IQSEC2: variants seen among roughly 807,000 people sequenced by gnomAD.
The protein encoded by IQSEC2 is IQ motif and Sec7 domain ArfGEF 2.
A neutral mutation model predicts 74.6 loss-of-function variants in IQSEC2; 6 were observed. The observed-to-expected ratio is 0.08, with a 90% confidence interval of 0.04 to 0.16. IQSEC2 has a LOEUF of 0.16. Ranked by LOEUF, IQSEC2 falls within the 10% of genes least tolerant of loss-of-function variation. IQSEC2 has a pLI of 1.00. For missense variants in IQSEC2, 734 were observed against 1,306.2 expected (o/e 0.56, Z 6.75); for synonymous variants, 494 against 544.5 (o/e 0.91, Z 1.29).
At chrX:53,293,171 G>A (rs2075118895) in intron 1 of IQSEC2, among the ~76,000 whole-genome samples, 1 of 112,293 alleles carries the variant, frequency 8.9e-6, no homozygotes, top group Admixed American at 9.4e-5. Context: ...GGCGAGGTGG[G>A]GCAGGCAAGC....
chrX:53,257,016 G>A (rs1297252728), intron 2 of IQSEC2, among the ~76,000 whole-genome samples: 2 of 111,896 alleles, frequency 1.8e-5, no homozygotes, highest in African/African-American at 6.5e-5. Context: ...GAGCCTGCAC[G>A]GTGAAGAGCC....
chrX:53,250,594 G>A lies in IQSEC2; in HGVS notation c.1982C>T (p.Pro661Leu). 1 of 1,209,114 alleles carries A rather than the reference G, an allele frequency of 8.3e-7. No homozygotes were observed. The highest frequency in any genetic ancestry group is 1.1e-6 in the Non-Finnish European group (1 of 893,959). Residue 661 changes from proline to leucine, a missense_variant, in exon 5 of 15, where the codon CCC (proline) becomes CTC (leucine). Physicochemically the swap from Pro to Leu is moderately conservative, Grantham distance 98. Transcript: ENST00000642864. ...GCCACTGTTGGGGGCTGGTGGCAGGGGCCCTGGTGGGGCTGGGGCTGGGCC... is the reference window on the plus strand; with the variant it reads ...GCCACTGTTGGGGGCTGGTGGCAGGAGCCCTGGTGGGGCTGGGGCTGGGCC... ...PEGPAPAPPG[P>L]LPPAPNSGTG... is the part of the protein sequence containing the mutation.
intron 1 of IQSEC2, among the ~76,000 whole-genome samples, chrX:53,298,863 T>C (rs7050017): frequency 0.23 from 25,142 of 110,509 alleles, 3,649 homozygotes; most frequent in African/African-American, 0.53. Context: ...TAGCTCTCAC[T>C]ATTTTTAATT....
At chrX:53,242,349 G>T (rs182599289) in intron 9 of IQSEC2, among the ~76,000 whole-genome samples, 2 of 98,755 alleles carry the variant, frequency 2.0e-5, no homozygotes, top group Non-Finnish European at 4.0e-5. Context: ...CAGGAGAATC[G>T]TTTGAACCCA....
chrX:53,255,034 T>A (rs1556864778), intron 3 of IQSEC2, 103 bp from the exon 4 acceptor site: 1 of 822,815 alleles, frequency 1.2e-6, no homozygotes, highest in African/African-American at 2.1e-5. Context: ...GGCTGACTGC[T>A]TACAGCCACC....
chrX:53,303,159 C>G (rs973159468), intron 1 of IQSEC2, among the ~76,000 whole-genome samples: 24 of 105,571 alleles, frequency 2.3e-4, no homozygotes, highest in African/African-American at 7.4e-4. Flanking sequence ...GCCGTGATCA[C>G]ACCATTGCAC....
intron 1 of IQSEC2, among the ~76,000 whole-genome samples, chrX:53,294,057 A>G (rs2075127434): frequency 8.9e-6 from 1 of 111,837 alleles, no homozygotes. Flanking sequence ...CCGGGCACGT[A>G]CGCACTATGA....
chrX:53,266,421 ATGGGAG>A, intron 2 of IQSEC2: 1 of 753,942 alleles, frequency 1.3e-6, no homozygotes, highest in Non-Finnish European at 1.6e-6. Flanking sequence ...ACAGAGCACT[ATGGGAG>A]TGGCAGAGGG....
At position 53,234,319 on chromosome X, in the gene IQSEC2, G is replaced by T; in HGVS notation, c.4367C>A (p.Ser1456Tyr). 2 of 566,677 alleles carry T rather than the reference G, an allele frequency of 3.5e-6. No individual in the cohort carries two copies. Among genetic ancestry groups the T allele is most frequent in the Non-Finnish European group, 5.1e-6 (2 of 393,422 alleles). 46.7% of individuals were successfully genotyped at this position (566,677 alleles called of 1,213,427 possible). The part of the protein sequence containing the change: ...HTPHSPLPPT[S>Y]PHGPLHASGP... Reference sequence around the variant, plus strand: ...AGAGGCGTGCAGCGGGCCATGGGGGGAGGTGGGTGGAAGGGGTGAGTGCGG... The same window carrying T: ...AGAGGCGTGCAGCGGGCCATGGGGGTAGGTGGGTGGAAGGGGTGAGTGCGG... Residue 1456 changes from serine (S) to tyrosine (Y), a missense_variant, in exon 15 of 15, where the codon TCC becomes TAC. Physicochemically the swap from Ser to Tyr is moderately radical, Grantham distance 144. This residue lies in a region of IQSEC2 where 38 missense variants were observed against 36.7 expected (regional missense o/e 1.04). Transcript: ENST00000642864.
At chrX:53,242,151 C>T (rs1369782696) in intron 9 of IQSEC2, among the ~76,000 whole-genome samples, 6 of 111,026 alleles carry the variant, frequency 5.4e-5, no homozygotes, top group Non-Finnish European at 1.1e-4. Flanking sequence ...ATTTCCATCC[C>T]GGCCGGGCGC....
chrX:53,267,309 G>A (rs1213862738), intron 2 of IQSEC2, among the ~76,000 whole-genome samples: 3 of 111,885 alleles, frequency 2.7e-5, no homozygotes, highest in Non-Finnish European at 5.6e-5. Flanking sequence ...CACCCTCAGC[G>A]TATATCAACT....
At chrX:53,310,597 C>T (rs1556877794) in intron 1 of IQSEC2, among the ~76,000 whole-genome samples, 1 of 110,579 alleles carries the variant, frequency 9.0e-6, no homozygotes, top group East Asian at 2.8e-4. Context: ...AGCCTCAAAA[C>T]AAAGACACCC....
chrX:53,261,670 T>TCA (rs782091295), intron 2 of IQSEC2, among the ~76,000 whole-genome samples: 28 of 104,733 alleles, frequency 2.7e-4, no homozygotes, highest in East Asian at 2.1e-3. Context: ...ACACACACAC[T>TCA]CACACACACA....
intron 1 of IQSEC2, among the ~76,000 whole-genome samples, chrX:53,297,986 C>T (rs966048338): frequency 9.0e-6 from 1 of 111,454 alleles, no homozygotes; most frequent in Admixed American, 9.5e-5. Flanking sequence ...AAAAATTAGC[C>T]GGACGCAGTG....
chrX:53,293,104 G>C (rs985650102), intron 1 of IQSEC2, among the ~76,000 whole-genome samples: 2 of 112,214 alleles, frequency 1.8e-5, no homozygotes, highest in Admixed American at 9.4e-5. Context: ...CACAGGGAGA[G>C]GAGCAGGTGG....
At position 53,235,012 on chromosome X, in the gene IQSEC2, G is replaced by A. The variant is rs2147004930; in HGVS notation, c.3674C>T (p.Thr1225Ile). 2 of 1,166,803 alleles carry A rather than the reference G, an allele frequency of 1.7e-6. No homozygotes were observed. The highest frequency in any genetic ancestry group is 2.3e-6 in the Non-Finnish European group (2 of 872,800). The change falls in exon 15 of 15, where the codon ACA becomes ATA. Residue 1225 changes from threonine (T) to isoleucine (I), a missense_variant. By Grantham distance (89) the Thr-to-Ile change is moderately conservative. Coordinates refer to ENST00000642864, the MANE Select transcript of IQSEC2 (RefSeq NM_001111125.3). ...TGAAGAGGAGGCAGAGGCCTGGCCT[G>A]TTGGCGGTGGTGGCATCTGGAAGGG... Reference protein sequence around the residue: ...KGPFQMPPPPTGQASASSSSA... With the variant: ...KGPFQMPPPPIGQASASSSSA...
chrX:53,276,229 G>A (rs1457497353), intron 2 of IQSEC2, among the ~76,000 whole-genome samples: 6 of 112,027 alleles, frequency 5.4e-5, no homozygotes, highest in Non-Finnish European at 7.5e-5. Context: ...TCTTACAGCC[G>A]TTGATTAAAT....
At chrX:53,287,920 C>T (rs782803711) in intron 2 of IQSEC2, among the ~76,000 whole-genome samples, 1 of 112,007 alleles carries the variant, frequency 8.9e-6, no homozygotes, top group East Asian at 2.8e-4. Flanking sequence ...TGTCAAAATC[C>T]AGCTCTGACT....
chrX:53,293,395 C>T (rs902369438), intron 1 of IQSEC2, among the ~76,000 whole-genome samples: 4 of 112,047 alleles, frequency 3.6e-5, no homozygotes, highest in Non-Finnish European at 5.6e-5. Context: ...CAGCAGATGC[C>T]AGTAGCACCA....
Sources: allele counts gnomAD v4.1 joint callset (sites outside exome capture counted in the v4.1 genomes callset), GRCh38; gene constraint gnomAD v4.1.1; regional missense constraint gnomAD v4.1.1; transcripts MANE v1.5; gene names NCBI Gene and HGNC (gene_info 2026-07-23, HGNC 2026-07-21).